PTPRD: variants seen among roughly 807,000 people sequenced by gnomAD.
PTPRD encodes protein tyrosine phosphatase receptor type D, also known as receptor-type tyrosine-protein phosphatase delta.
A neutral mutation model predicts 214.5 loss-of-function variants in PTPRD; 34 were observed. That is an observed-to-expected ratio of 0.16 (90% CI 0.12 to 0.21). PTPRD has a LOEUF of 0.21. Among genes scored for constraint, PTPRD ranks in the 10% least tolerant of loss-of-function variants. PTPRD has a pLI of 1.00. For missense variants in PTPRD, 2,545 were observed against 2,398.7 expected (o/e 1.06, Z -1.27); for synonymous variants, 1,128 against 845.7 (o/e 1.33, Z -5.79).
chr9:8,707,539 A>C (rs2098235643), intron 12 of PTPRD, among the ~76,000 whole-genome samples: 1 of 152,378 alleles, frequency 6.6e-6, no homozygotes, highest in Middle Eastern at 3.4e-3. Flanking sequence ...GCATGGGCTA[A>C]GAAATTCATA....
intron 2 of PTPRD, among the ~76,000 whole-genome samples, chr9:10,548,728 G>A (rs546018358): frequency 1.5e-5 from 1 of 68,636 alleles, no homozygotes; most frequent in Non-Finnish European, 3.1e-5. Flanking sequence ...TTTGCCACTA[G>A]ATTAACTTTG....
At position 9,638,190 on chromosome 9, in the gene PTPRD, C is replaced by G. The variant is rs75939233; in HGVS notation, c.-286-63409G>C. On this transcript the variant is annotated intron_variant, in intron 7 of 45. Coordinates refer to ENST00000381196, the MANE Select transcript of PTPRD (RefSeq NM_002839.4). ...TTTACTTGGCCAGGCTGAAAATTTC[C>G]CAAATCTTCATATTTTGCTTCTCTT... 4.1e-3 allele frequency among the ~76,000 whole-genome samples: 626 copies of G among 152,254 alleles called. 3 individuals carry two copies. Among genetic ancestry groups the G allele is most frequent in the African/African-American group, 0.014 (586 of 41,538 alleles).
chr9:10,111,775 G>A (rs1393989527), intron 3 of PTPRD, among the ~76,000 whole-genome samples: 1 of 152,174 alleles, frequency 6.6e-6, no homozygotes, highest in Non-Finnish European at 1.5e-5. Flanking sequence ...AAACCTGCAA[G>A]TAAATTTCAC....
intron 9 of PTPRD, among the ~76,000 whole-genome samples, chr9:9,336,304 C>T (rs1290278317): frequency 1.3e-5 from 2 of 152,138 alleles, no homozygotes; most frequent in Admixed American, 6.6e-5. Context: ...GAATGATACA[C>T]ATTCTCAAGG....
intron 10 of PTPRD, among the ~76,000 whole-genome samples, chr9:9,046,382 G>A (rs2099672201): frequency 1.3e-5 from 2 of 152,180 alleles, no homozygotes; most frequent in Admixed American, 1.3e-4. Context: ...ATGCTCAATT[G>A]TTTTTATAAA....
chr9:9,882,844 G>A (rs1176587475), intron 5 of PTPRD, among the ~76,000 whole-genome samples: 1 of 151,984 alleles, frequency 6.6e-6, no homozygotes, highest in Non-Finnish European at 1.5e-5. Context: ...GAAGTGTTTC[G>A]GCCACTGGGG....
At chr9:9,538,728 G>A (rs746488876) in intron 8 of PTPRD, among the ~76,000 whole-genome samples, 4 of 151,926 alleles carry the variant, frequency 2.6e-5, no homozygotes, top group Middle Eastern at 3.4e-3. Context: ...TCAATGAATA[G>A]TTACCAAATT....
intron 4 of PTPRD, among the ~76,000 whole-genome samples, chr9:10,018,990 A>G (rs2096786805): frequency 6.6e-6 from 1 of 152,222 alleles, no homozygotes. Context: ...GTGAACAGGC[A>G]ACCTACAGAA....
At chr9:9,382,232 A>G (rs2062535940) in intron 9 of PTPRD, among the ~76,000 whole-genome samples, 1 of 152,042 alleles carries the variant, frequency 6.6e-6, no homozygotes, top group Non-Finnish European at 1.5e-5. Flanking sequence ...TTGATTTTAT[A>G]TATTACAACT....
rs886466093 is a variant in PTPRD, at chr9:9,827,193, T to C, written c.-367-60342A>G. The stretch of plus-strand genomic sequence containing the variant: ...TATGGAACCAAAAAAGAGCCCACAT[T>C]GCCAAGTCAATCCTAAGCCAAAAGA... On this transcript the variant is annotated intron_variant, in intron 5 of 45. Transcript: ENST00000381196. 5.9e-5 allele frequency among the ~76,000 whole-genome samples: 9 copies of C among 151,938 alleles called. No homozygotes were observed. In the East Asian group the frequency reaches 1.2e-3, roughly 20 times the overall value.
chr9:9,076,742 G>C (rs1307978353), intron 10 of PTPRD, among the ~76,000 whole-genome samples: 2 of 150,392 alleles, frequency 1.3e-5, no homozygotes, highest in Admixed American at 1.3e-4. Flanking sequence ...ATTGTGAATA[G>C]TGTTGCAATA....
At chr9:9,236,687 A>G (rs116831052) in intron 9 of PTPRD, among the ~76,000 whole-genome samples, 1,537 of 151,636 alleles carry the variant, frequency 0.01, 33 homozygotes, top group African/African-American at 0.035. Context: ...CCTTCCATGA[A>G]CAGCCTTTGT....
chr9:9,540,431 G>C (rs1208723080), intron 8 of PTPRD, among the ~76,000 whole-genome samples: 1 of 151,750 alleles, frequency 6.6e-6, no homozygotes, highest in Non-Finnish European at 1.5e-5. Context: ...ACAGATTACA[G>C]TGATGTACAA....
At chr9:8,931,946 G>A (rs1286742423) in intron 11 of PTPRD, among the ~76,000 whole-genome samples, 1 of 152,146 alleles carries the variant, frequency 6.6e-6, no homozygotes, top group Non-Finnish European at 1.5e-5. Flanking sequence ...TCATTTATTT[G>A]CATAGAGGTA....
chr9:10,154,368 A>G (rs909349750), intron 3 of PTPRD, among the ~76,000 whole-genome samples: 1 of 152,016 alleles, frequency 6.6e-6, no homozygotes, highest in Non-Finnish European at 1.5e-5. Context: ...TGTATATTAG[A>G]CCTTTGTCAA....
chr9:10,410,933 T>C (rs1281711642), intron 2 of PTPRD, among the ~76,000 whole-genome samples: 2 of 151,798 alleles, frequency 1.3e-5, no homozygotes, highest in Non-Finnish European at 2.9e-5. Flanking sequence ...GTTAGTTAGC[T>C]TTTCCAGGCA....
At chr9:9,413,160 TGC>T in intron 8 of PTPRD, among the ~76,000 whole-genome samples, 1 of 121,436 alleles carries the variant, frequency 8.2e-6, no homozygotes, top group African/African-American at 3.2e-5. Context: ...CAGGCCGGAC[TGC>T]GGACTGCAGT....
At chr9:9,227,387 G>A (rs927027928) in intron 9 of PTPRD, among the ~76,000 whole-genome samples, 6 of 152,182 alleles carry the variant, frequency 3.9e-5, no homozygotes, top group African/African-American at 1.4e-4. Context: ...CTAGCCTGGA[G>A]AAAATATCTC....
At chr9:9,752,058 T>C (rs573371388) in intron 6 of PTPRD, among the ~76,000 whole-genome samples, 20 of 152,120 alleles carry the variant, frequency 1.3e-4, no homozygotes, top group Admixed American at 3.9e-4. Flanking sequence ...ATTCCAGTGG[T>C]AAGTCAGGAG....
Sources: allele counts gnomAD v4.1 joint callset (sites outside exome capture counted in the v4.1 genomes callset), GRCh38; gene constraint gnomAD v4.1.1; transcripts MANE v1.5; gene names NCBI Gene and HGNC (gene_info 2026-07-23, HGNC 2026-07-21).